The following FAT3 variants were observed in gnomAD, a reference collection of about 807,000 sequenced individuals.
FAT3 encodes the protein FAT atypical cadherin 3, also known as protocadherin Fat 3.
In FAT3, 95 loss-of-function variants were observed where a neutral mutation model predicts 310.2. That is an observed-to-expected ratio of 0.31 (90% CI 0.26 to 0.36). FAT3 has a LOEUF of 0.36. Among genes scored for constraint, FAT3 ranks in the 10% least tolerant of loss-of-function variants. FAT3 has a pLI of 1.00. For synonymous variants in FAT3, 2,314 were observed against 2,192.9 expected, an observed-to-expected ratio of 1.06 and a Z score of -1.54; for missense variants, 5,408 against 5,715.6, an observed-to-expected ratio of 0.95 and a Z score of 1.74.
intron 2 of FAT3, among the ~76,000 whole-genome samples, chr11:92,425,177 A>G (rs903760712): frequency 1.3e-5 from 2 of 149,336 alleles, no homozygotes; most frequent in Admixed American, 6.7e-5. Flanking sequence ...AGCTCTGTGA[A>G]TGAAGCTTTT....
At chr11:92,694,693 C>G (rs1439044429) in intron 3 of FAT3, among the ~76,000 whole-genome samples, 7 of 152,174 alleles carry the variant, frequency 4.6e-5, no homozygotes, top group Admixed American at 1.3e-4. Flanking sequence ...CCCAGGGGAA[C>G]AGAGGGCAAA....
chr11:92,354,290 C>T lies in FAT3; in HGVS notation c.2178C>T (p.Asp726=), dbSNP rs1591158418. The change falls in exon 2 of 28, where the codon GAC becomes GAT. Residue 726 remains aspartate, a synonymous_variant. Coordinates refer to ENST00000525166, the MANE Select transcript of FAT3 (RefSeq NM_001367949.2). ...TTAATAGACAGGGACCATATTTTGACAAGTCTTTTCCTTCTGATGTGGCTG... is the reference window on the plus strand; with the variant it reads ...TTAATAGACAGGGACCATATTTTGATAAGTCTTTTCCTTCTGATGTGGCTG... ...YSINRQGPYF[D]KSFPSDVAVK... 6.2e-7 allele frequency: 1 copy of T among 1,613,582 alleles called. No homozygotes were observed. Among genetic ancestry groups the T allele is most frequent in the South Asian group, 1.1e-5 (1 of 91,080 alleles).
chr11:92,835,933 C>T (rs768005276), intron 15 of FAT3, among the ~76,000 whole-genome samples: 1 of 152,146 alleles, frequency 6.6e-6, no homozygotes, highest in East Asian at 1.9e-4. Context: ...CTTCCCCATC[C>T]CTTGGCTGGC....
In FAT3 at chr11:92,458,120, T is replaced by C. The variant is rs1448055889; in HGVS notation, c.3293-66514T>C. ...AACATATTGCCTATTGTTAGGTTGT[T>C]TCCTTTCTTTCCTGCTATGGTAAAC... On this transcript the variant is annotated intron_variant, in intron 2 of 27. Transcript: ENST00000525166. Among the ~76,000 whole-genome samples the C allele has an allele frequency of 3.3e-5, 5 of 152,144 alleles. 1 individual carries two copies. The highest frequency in any genetic ancestry group is 7.4e-5 in the Non-Finnish European group (5 of 68,020).
chr11:92,805,237 A>G lies in FAT3; in HGVS notation c.8981A>G (p.Glu2994Gly). Reference protein sequence around the residue: ...VYVKRPLDREEQDIYFLNITA... With the variant: ...VYVKRPLDREGQDIYFLNITA... Reference sequence around the variant, plus strand: ...GTGAAGAGGCCTCTAGACAGAGAAGAACAGGACATTTACTTTCTCAATATC... The same window carrying G: ...GTGAAGAGGCCTCTAGACAGAGAAGGACAGGACATTTACTTTCTCAATATC... Residue 2994 changes from glutamate to glycine, a missense_variant, in exon 11 of 28, where the codon GAA (glutamate) becomes GGA (glycine). Glu to Gly is a moderately conservative substitution (Grantham distance 98, BLOSUM62 -2). Around this residue, in one of 5 missense-constraint regions of FAT3, gnomAD observed 4,588 missense variants for 4,809.8 expected, o/e 0.95. Coordinates refer to ENST00000525166, the MANE Select transcript of FAT3 (RefSeq NM_001367949.2). 1.9e-6 allele frequency: 3 copies of G among 1,613,920 alleles called. No homozygotes were observed. Among genetic ancestry groups the G allele is most frequent in the Middle Eastern group, 3.3e-4 (2 of 6,062 alleles).
At chr11:92,689,289 G>A (rs993020349) in intron 3 of FAT3, among the ~76,000 whole-genome samples, 1 of 152,004 alleles carries the variant, frequency 6.6e-6, no homozygotes, top group Non-Finnish European at 1.5e-5. Flanking sequence ...TAGATTGCCA[G>A]TCACTTAGGC....
intron 3 of FAT3, among the ~76,000 whole-genome samples, chr11:92,577,172 A>G (rs1478640060): frequency 6.6e-6 from 1 of 151,986 alleles, no homozygotes; most frequent in Non-Finnish European, 1.5e-5. Flanking sequence ...GTGCAGTGAC[A>G]TGATCTTGGT....
intron 1 of FAT3, among the ~76,000 whole-genome samples, chr11:92,247,799 C>T (rs1438790329): frequency 6.6e-6 from 1 of 150,536 alleles, no homozygotes; most frequent in Non-Finnish European, 1.5e-5. Flanking sequence ...AACTAGATCC[C>T]TTTCCATTAA....
intron 1 of FAT3, among the ~76,000 whole-genome samples, chr11:92,277,053 T>C (rs916579212): frequency 5.9e-5 from 9 of 152,098 alleles, no homozygotes; most frequent in African/African-American, 2.2e-4. Flanking sequence ...TAGCAGTTGC[T>C]AGGTGTTTAC....
At chr11:92,499,372 A>C (rs2135266424) in intron 2 of FAT3, among the ~76,000 whole-genome samples, 1 of 152,106 alleles carries the variant, frequency 6.6e-6, no homozygotes, top group East Asian at 1.9e-4. Flanking sequence ...TTATTATATA[A>C]AGTGCAACTG....
chr11:92,626,464 C>A (rs966356888), intron 3 of FAT3, among the ~76,000 whole-genome samples: 2 of 149,752 alleles, frequency 1.3e-5, no homozygotes, highest in Admixed American at 1.4e-4. Context: ...ATTGGCGTAG[C>A]GTATCTCTTT....
At chr11:92,433,596 A>G (rs1017161791) in intron 2 of FAT3, among the ~76,000 whole-genome samples, 1 of 152,158 alleles carries the variant, frequency 6.6e-6, no homozygotes, top group African/African-American at 2.4e-5. Flanking sequence ...AGATGAGCCA[A>G]ATACCTCAGT....
In FAT3 at chr11:92,798,355, C is replaced by T. The variant is rs1212282757; in HGVS notation, c.5342C>T (p.Ala1781Val). ...CAATACTCAGGCAGCCTAAGTGAGG[C>T]TGCCCCAATTAATAGCATTGTCAGG... Reference protein sequence around the residue: ...FSQYSGSLSEAAPINSIVRSL... With the variant: ...FSQYSGSLSEVAPINSIVRSL... The change falls in exon 10 of 28, where the codon GCT (alanine) becomes GTT (valine). Residue 1781 changes from alanine (A) to valine (V), a missense_variant. Physicochemically the swap from Ala to Val is moderately conservative, Grantham distance 64. Around this residue, in one of 5 missense-constraint regions of FAT3, gnomAD observed 4,588 missense variants for 4,809.8 expected, o/e 0.95. Coordinates refer to ENST00000525166, the MANE Select transcript of FAT3 (RefSeq NM_001367949.2). 1 of 1,613,564 alleles carries T rather than the reference C, an allele frequency of 6.2e-7. No individual in the cohort carries two copies. Among genetic ancestry groups the T allele is most frequent in the African/African-American group, 1.3e-5 (1 of 75,040 alleles).
chr11:92,266,693 G>A, intron 1 of FAT3, among the ~76,000 whole-genome samples: 1 of 152,116 alleles, frequency 6.6e-6, no homozygotes, highest in Non-Finnish European at 1.5e-5. Context: ...TCTGCTCAGG[G>A]ATGGCAGAAA....
chr11:92,249,758 C>G (rs1049753791), intron 1 of FAT3, among the ~76,000 whole-genome samples: 1 of 152,144 alleles, frequency 6.6e-6, no homozygotes, highest in South Asian at 2.1e-4. Flanking sequence ...ACCTGAGGTG[C>G]CAGCAGCAAA....
At chr11:92,280,182 C>T (rs186907458) in intron 1 of FAT3, among the ~76,000 whole-genome samples, 3 of 152,156 alleles carry the variant, frequency 2.0e-5, no homozygotes, top group South Asian at 2.1e-4. Context: ...CAAGAACGAT[C>T]GAAGACATGA....
intron 1 of FAT3, among the ~76,000 whole-genome samples, chr11:92,349,974 G>C (rs1009683513): frequency 6.8e-5 from 10 of 147,472 alleles, no homozygotes; most frequent in African/African-American, 2.6e-4. Context: ...CTGTAAGGTG[G>C]AGCTGAAAAA....
chr11:92,267,190 CA>C (rs1179845391), intron 1 of FAT3, among the ~76,000 whole-genome samples: 1 of 151,992 alleles, frequency 6.6e-6, no homozygotes, highest in Non-Finnish European at 1.5e-5. Flanking sequence ...CTTTATTATT[CA>C]AGACAGAAAA....
At chr11:92,609,181 G>A (rs1940446767) in intron 3 of FAT3, among the ~76,000 whole-genome samples, 1 of 152,196 alleles carries the variant, frequency 6.6e-6, no homozygotes, top group Admixed American at 6.5e-5. Context: ...GGGTGGTTCA[G>A]TTGTCAGAAC....
Sources: allele counts gnomAD v4.1 joint callset (sites outside exome capture counted in the v4.1 genomes callset), GRCh38; gene constraint gnomAD v4.1.1; regional missense constraint gnomAD v4.1.1; transcripts MANE v1.5; gene names NCBI Gene and HGNC (gene_info 2026-07-23, HGNC 2026-07-21).